SGIP1: variants seen among roughly 807,000 people sequenced by gnomAD.
SGIP1 encodes SH3-containing GRB2-like protein 3-interacting protein 1.
In SGIP1, 38 loss-of-function variants were observed where a neutral mutation model predicts 107.5. The observed-to-expected ratio is 0.35, with a 90% CI of 0.27 to 0.46. The LOEUF (loss-of-function observed/expected upper bound fraction) is 0.46. Ranked by LOEUF, SGIP1 falls within the 20% of genes least tolerant of loss-of-function variation. The pLI is 1.00. For missense variants in SGIP1, 929 were observed against 1,019.5 expected (o/e 0.91, Z 1.21); for synonymous variants, 365 against 366.1 (o/e 1.00, Z 0.03).
intron 1 of SGIP1, among the ~76,000 whole-genome samples, chr1:66,562,336 A>T (rs571410921): frequency 2.6e-5 from 4 of 152,058 alleles, no homozygotes. Context: ...AATATTTGCT[A>T]GATGAGGGTT....
intron 1 of SGIP1, among the ~76,000 whole-genome samples, chr1:66,560,022 A>G (rs1013098816): frequency 1.5e-4 from 23 of 152,062 alleles, no homozygotes; most frequent in African/African-American, 5.6e-4. Flanking sequence ...TTACCAACAT[A>G]GTGTATGTGT....
At chr1:66,705,276 C>A (rs1323760681) in intron 18 of SGIP1, among the ~76,000 whole-genome samples, 1 of 152,188 alleles carries the variant, frequency 6.6e-6, no homozygotes, top group Non-Finnish European at 1.5e-5. Context: ...TTCACACAGG[C>A]AGCGTGTGCT....
intron 1 of SGIP1, among the ~76,000 whole-genome samples, chr1:66,556,539 A>G (rs983776374): frequency 3.9e-5 from 6 of 152,080 alleles, no homozygotes; most frequent in Non-Finnish European, 8.8e-5. Flanking sequence ...CCAGGCTTGC[A>G]ATGGAGCTGG....
intron 1 of SGIP1, among the ~76,000 whole-genome samples, chr1:66,535,522 G>T (rs1409509379): frequency 6.6e-6 from 1 of 152,202 alleles, no homozygotes; most frequent in Non-Finnish European, 1.5e-5. Flanking sequence ...TGGCAGAAAT[G>T]AATTCTTTTT....
chr1:66,714,969 G>A (rs1168026300), intron 18 of SGIP1, among the ~76,000 whole-genome samples: 1 of 152,082 alleles, frequency 6.6e-6, no homozygotes, highest in African/African-American at 2.4e-5. Flanking sequence ...TGCTATGGGG[G>A]ATGAAAGCAT....
intron 1 of SGIP1, among the ~76,000 whole-genome samples, chr1:66,547,929 A>G (rs1469773639): frequency 6.6e-6 from 1 of 152,172 alleles, no homozygotes; most frequent in Non-Finnish European, 1.5e-5. Flanking sequence ...ACAGCATTTC[A>G]GGAGTGAAAA....
intron 24 of SGIP1, among the ~76,000 whole-genome samples, chr1:66,741,776 T>A (rs1174276572): frequency 6.6e-6 from 1 of 152,006 alleles, no homozygotes; most frequent in African/African-American, 2.4e-5. Context: ...TATTTATTTT[T>A]TTTTTTGGTG....
intron 1 of SGIP1, among the ~76,000 whole-genome samples, chr1:66,602,142 A>G (rs2065958903): frequency 6.6e-6 from 1 of 152,226 alleles, no homozygotes; most frequent in African/African-American, 2.4e-5. Flanking sequence ...GGGATTTTCT[A>G]CTAGAAAAGC....
chr1:66,689,012 A>G (rs2089183849), intron 15 of SGIP1, 136 bp from the exon 16 acceptor site: 1 of 893,856 alleles, frequency 1.1e-6, no homozygotes, highest in Non-Finnish European at 1.6e-6. Flanking sequence ...AGAAAAAAGA[A>G]AGTGCTACAG....
chr1:66,718,583 T>C (rs1055204412), intron 18 of SGIP1, among the ~76,000 whole-genome samples: 1 of 152,162 alleles, frequency 6.6e-6, no homozygotes, highest in Non-Finnish European at 1.5e-5. Flanking sequence ...ATGTGGAATT[T>C]GAATGAGATT....
At chr1:66,600,900 G>A (rs556068742) in intron 1 of SGIP1, among the ~76,000 whole-genome samples, 1 of 152,248 alleles carries the variant, frequency 6.6e-6, no homozygotes, top group Admixed American at 6.5e-5. Flanking sequence ...CTCTTGGGAT[G>A]GTGTTTAGTA....
rs1198711619 is a variant in SGIP1 at position 66,673,284 on chromosome 1, A to G, written c.564A>G (p.Lys188=). The G allele has an allele frequency of 1.2e-6, 2 of 1,614,056 alleles. No homozygotes were observed. Among genetic ancestry groups the G allele is most frequent in the South Asian group, 1.1e-5 (1 of 91,060 alleles). ...TGCCTTAATGTGTGTGATTTAGCAA[A>G]AAGCCTCCAGATGACACTACGGCCC... The part of the protein sequence containing the change: ...RSTPTPELIS[K]KPPDDTTALA... The change falls in exon 12 of 25, where the codon AAA becomes AAG. Residue 188 remains lysine (K), a synonymous_variant. Transcript: ENST00000371037.
intron 1 of SGIP1, among the ~76,000 whole-genome samples, chr1:66,617,223 T>G (rs1199723462): frequency 6.6e-6 from 1 of 152,212 alleles, no homozygotes; most frequent in Non-Finnish European, 1.5e-5. Flanking sequence ...TGCTAGACAC[T>G]GAACTCTACA....
chr1:66,679,632 T>C (rs752523249), intron 13 of SGIP1, 46 bp from the exon 14 acceptor site: 7 of 1,574,932 alleles, frequency 4.4e-6, no homozygotes, highest in South Asian at 1.2e-5. Flanking sequence ...TTGTATGACT[T>C]AGGAAGCACA....
rs1270913915 is a variant in SGIP1 at position 66,736,479 on chromosome 1, G to A, written c.2031+2599G>A. Among the ~76,000 whole-genome samples the A allele has an allele frequency of 3.5e-4, 19 of 54,488 alleles. 2 individuals carry two copies. The highest frequency in any genetic ancestry group is 1.2e-3 in the African/African-American group (18 of 14,572). 35.7% of individuals were successfully genotyped at this position (54,488 alleles called of 152,430 possible). On this transcript the variant is annotated intron_variant, in intron 21 of 24. Transcript: ENST00000371037. ...GTATTATATGTGAATATAATATATT[G>A]CGTATTATATGTGAATATAATATAT...
In SGIP1 at chr1:66,735,695, C is replaced by G. The variant is rs1297453094; in HGVS notation, c.2031+1815C>G. Among the ~76,000 whole-genome samples the G allele has an allele frequency of 1.3e-4, 9 of 67,716 alleles. 4 individuals are homozygous for G. The highest frequency in any genetic ancestry group is 2.9e-4 in the Non-Finnish European group (9 of 30,874). 44.4% of individuals were successfully genotyped at this position (67,716 alleles called of 152,430 possible). A position where few individuals can be genotyped will look rare whatever the true frequency, so the allele number is the denominator to read the frequency against. On this transcript the variant is annotated intron_variant, in intron 21 of 24. Transcript: ENST00000371037. ...ATTAGCCGGGCGCGGTGGCGGGCGC[C>G]TGTAGTCCCAGCTACTCGGGAGGCT...
intron 1 of SGIP1, among the ~76,000 whole-genome samples, chr1:66,611,509 G>T (rs2067996517): frequency 6.6e-6 from 1 of 152,218 alleles, no homozygotes; most frequent in South Asian, 2.1e-4. Context: ...GAGGCCACAT[G>T]GTCCATAAGC....
chr1:66,609,130 G>A (rs903905335), intron 1 of SGIP1, among the ~76,000 whole-genome samples: 2 of 151,060 alleles, frequency 1.3e-5, no homozygotes, highest in Admixed American at 6.6e-5. Flanking sequence ...ACTGAACTAG[G>A]ATCACCAATG....
intron 7 of SGIP1, 108 bp downstream of exon 7, chr1:66,643,827 T>C (rs1237289664): frequency 1.0e-6 from 1 of 953,902 alleles, no homozygotes; most frequent in African/African-American, 1.7e-5. Flanking sequence ...AGCCTGCATA[T>C]GGTCACCATA....
Sources: gnomAD v4.1 joint callset for allele counts (sites outside exome capture counted in the v4.1 genomes callset) on GRCh38, gnomAD v4.1.1 for gene constraint, MANE v1.5 for transcripts, NCBI Gene and HGNC (gene_info 2026-07-23, HGNC 2026-07-21) for gene names.